The following STK32B variants were observed in gnomAD, a reference collection of about 807,000 sequenced individuals.
STK32B encodes serine/threonine-protein kinase 32B.
In STK32B, 43 loss-of-function variants were observed where a neutral mutation model predicts 52.6. The ratio of observed to expected loss-of-function variants is 0.82; its 90% confidence interval spans 0.64 to 1.05. The LOEUF (loss-of-function observed/expected upper bound fraction) is 1.05, where lower values mean the gene tolerates loss of function less well. Among genes scored for constraint, STK32B ranks in the 50% least tolerant of loss-of-function variants. The pLI is 0.00. For missense variants in STK32B, 621 were observed against 534.6 expected, an observed-to-expected ratio of 1.16 and a Z score of -1.59; for synonymous variants, 238 against 204.3, an observed-to-expected ratio of 1.17 and a Z score of -1.41.
chr4:5,278,059 C>T lies in STK32B; in HGVS notation c.261-53161C>T, dbSNP rs1577283567. Among the ~76,000 whole-genome samples the T allele has an allele frequency of 2.0e-5, 3 of 152,270 alleles. No homozygotes were observed. The East Asian group carries it at 5.8e-4, about 29-fold the overall frequency. On this transcript the variant is annotated intron_variant, in intron 3 of 11. Transcript: ENST00000282908. The stretch of plus-strand genomic sequence containing the variant: ...AGAAGCCACACTTTGTTGTACTTAT[C>T]ATTGGCAGATGAGGTGACTCAGGTG...
chr4:5,028,748 G>C, the STK32B span, among the ~76,000 whole-genome samples: 4 of 151,574 alleles, frequency 2.6e-5, no homozygotes, highest in African/African-American at 9.7e-5. Context: ...AGCCCATCCT[G>C]ACTGTGGCAG....
rs1731428065 is a variant in STK32B at position 5,320,691 on chromosome 4, T to C, written c.261-10529T>C. The stretch of plus-strand genomic sequence containing the variant: ...ACACTGCTGAGGGTAAACAAGACCA[T>C]GTTACTGCAAAAGCCCAAAACTAAA... On this transcript the variant is annotated intron_variant, in intron 3 of 11. Coordinates refer to ENST00000282908, the MANE Select transcript of STK32B (RefSeq NM_018401.3). Among the ~76,000 whole-genome samples, 2 of 152,182 alleles carry C rather than the reference T, an allele frequency of 1.3e-5. 1 individual carries two copies. The highest frequency in any genetic ancestry group is 4.8e-5 in the African/African-American group (2 of 41,446).
chr4:5,289,388 C>G (rs1280044347), intron 3 of STK32B, among the ~76,000 whole-genome samples: 1 of 152,136 alleles, frequency 6.6e-6, no homozygotes, highest in African/African-American at 2.4e-5. Context: ...TTATTGTACA[C>G]TTGGACACTA....
rs182254523 is a variant in STK32B, at chr4:5,243,870, C to G, written c.260+75420C>G. On this transcript the variant is annotated intron_variant, in intron 3 of 11. Transcript: ENST00000282908. Reference sequence around the variant, plus strand: ...TTTTGTCTTTGGTTCTGTTTATATGCTGGATTATGTTTACTGATGTTCGTA... The same window carrying G: ...TTTTGTCTTTGGTTCTGTTTATATGGTGGATTATGTTTACTGATGTTCGTA... 3.9e-5 allele frequency among the ~76,000 whole-genome samples: 6 copies of G among 152,220 alleles called. No homozygotes were observed. In the East Asian group the frequency reaches 1.2e-3, roughly 29 times the overall value.
intron 6 of STK32B, among the ~76,000 whole-genome samples, chr4:5,429,167 C>A (rs1198287945): frequency 6.6e-6 from 1 of 152,138 alleles, no homozygotes; most frequent in African/African-American, 2.4e-5. Context: ...CTTTTTCTAT[C>A]CTTTTATTTC....
At chr4:5,111,249 A>G (rs879190873) in intron 1 of STK32B, among the ~76,000 whole-genome samples, 7 of 152,140 alleles carry the variant, frequency 4.6e-5, no homozygotes, top group East Asian at 1.9e-4. Context: ...TGACTCAACA[A>G]CTCCACTACT....
At chr4:5,451,078 A>G (rs1322442929) in intron 7 of STK32B, among the ~76,000 whole-genome samples, 1 of 152,216 alleles carries the variant, frequency 6.6e-6, no homozygotes, top group African/African-American at 2.4e-5. Flanking sequence ...GTCATGTGAG[A>G]TTACATGAGA....
At chr4:5,388,108 T>C (rs1402420064) in intron 4 of STK32B, among the ~76,000 whole-genome samples, 2 of 152,194 alleles carry the variant, frequency 1.3e-5, no homozygotes, top group East Asian at 3.9e-4. Context: ...CTGCAGTTTC[T>C]TCATCCATCA....
At chr4:5,067,825 G>A (rs1340890219) in intron 1 of STK32B, among the ~76,000 whole-genome samples, 2 of 152,138 alleles carry the variant, frequency 1.3e-5, no homozygotes, top group East Asian at 3.9e-4. Context: ...CATGGCGGAA[G>A]GCGAAGGGGA....
intron 4 of STK32B, among the ~76,000 whole-genome samples, chr4:5,381,554 A>G (rs1577420958): frequency 6.6e-6 from 1 of 152,248 alleles, no homozygotes; most frequent in Non-Finnish European, 1.5e-5. Context: ...AAATGTGGTC[A>G]GCACATGCTA....
chr4:5,205,650 G>A (rs191980284), intron 3 of STK32B, among the ~76,000 whole-genome samples: 1 of 152,214 alleles, frequency 6.6e-6, no homozygotes, highest in African/African-American at 2.4e-5. Context: ...CAGTGACAGA[G>A]GAGTGAGTGA....
chr4:5,342,740 G>A (rs568136879), intron 4 of STK32B, among the ~76,000 whole-genome samples: 5 of 152,256 alleles, frequency 3.3e-5, no homozygotes, highest in East Asian at 1.9e-4. Context: ...CTAAGGGCAG[G>A]CACTTTTTCT....
intron 3 of STK32B, among the ~76,000 whole-genome samples, chr4:5,277,291 ACT>A (rs2108865633): frequency 6.6e-6 from 1 of 152,008 alleles, no homozygotes; most frequent in East Asian, 1.9e-4. Flanking sequence ...TGCATAACTC[ACT>A]CTTTCTTTTC....
At chr4:5,080,860 G>C (rs1354742735) in intron 1 of STK32B, among the ~76,000 whole-genome samples, 1 of 152,102 alleles carries the variant, frequency 6.6e-6, no homozygotes, top group African/African-American at 2.4e-5. Flanking sequence ...AGTAACTCTA[G>C]TAACTCTAGT....
intron 3 of STK32B, among the ~76,000 whole-genome samples, chr4:5,304,216 AC>A (rs1365281859): frequency 1.3e-5 from 2 of 151,924 alleles, no homozygotes; most frequent in African/African-American, 4.8e-5. Context: ...TCTCTGAAAA[AC>A]GATGGTGATA....
At chr4:5,081,416 T>C (rs1394025490) in intron 1 of STK32B, among the ~76,000 whole-genome samples, 1 of 152,194 alleles carries the variant, frequency 6.6e-6, no homozygotes, top group Non-Finnish European at 1.5e-5. Flanking sequence ...CTCCGCATAT[T>C]TGGAGTGTTT....
At chr4:5,406,111 G>T (rs189161073) in intron 5 of STK32B, among the ~76,000 whole-genome samples, 1 of 152,162 alleles carries the variant, frequency 6.6e-6, no homozygotes, top group Non-Finnish European at 1.5e-5. Flanking sequence ...AAAAGGGAGA[G>T]ATCAGCTAAA....
rs571000861 is a variant in STK32B at position 5,469,981 on chromosome 4, C to T, written c.1106+1911C>T. Among the ~76,000 whole-genome samples, 1 of 152,072 alleles carries T rather than the reference C, an allele frequency of 6.6e-6. No homozygotes were observed. Among genetic ancestry groups the T allele is most frequent in the East Asian group, 1.9e-4 (1 of 5,184 alleles). On this transcript the variant is annotated intron_variant, in intron 11 of 11. Coordinates refer to ENST00000282908, the MANE Select transcript of STK32B (RefSeq NM_018401.3). This position sits in a 1 kb window ranked among gnomAD's most constrained non-coding sequence, Gnocchi z 4.7. ...CAGCCTTCATTCTCTGTGTGTGGGC[C>T]GTGGAGTCCAATGAGAGCAGCTGCT...
At chr4:5,306,614 A>G (rs1729942160) in intron 3 of STK32B, among the ~76,000 whole-genome samples, 5 of 152,142 alleles carry the variant, frequency 3.3e-5, no homozygotes, top group Non-Finnish European at 2.9e-5. Context: ...TATCTCTTAA[A>G]TGGAGCATTT....
Sources: gnomAD v4.1 joint callset for allele counts (sites outside exome capture counted in the v4.1 genomes callset) on GRCh38, gnomAD v4.1.1 for gene constraint, Gnocchi (gnomAD v3.1) non-coding constraint, MANE v1.5 for transcripts, NCBI Gene and HGNC (gene_info 2026-07-23, HGNC 2026-07-21) for gene names.